BMPR2: variants seen among roughly 807,000 people sequenced by gnomAD.
The protein encoded by BMPR2 is bone morphogenetic protein receptor type-2.
A neutral mutation model predicts 100.8 loss-of-function variants in BMPR2; 29 were observed. That is an observed-to-expected ratio of 0.29 (90% confidence interval 0.21 to 0.39). BMPR2 has a LOEUF of 0.39. BMPR2 is among the 10% of genes least tolerant of loss of function. The pLI is 1.00. For missense variants in BMPR2, 1,011 were observed against 1,274.5 expected, an observed-to-expected ratio of 0.79 and a Z score of 3.15; for synonymous variants, 382 against 442.3, an observed-to-expected ratio of 0.86 and a Z score of 1.71.
chr2:202,413,522 CT>C (rs1385336883), intron 1 of BMPR2, among the ~76,000 whole-genome samples: 3 of 152,064 alleles, frequency 2.0e-5, no homozygotes, highest in Admixed American at 6.6e-5. Context: ...TGTATTTCTC[CT>C]AGAAGCAATG....
intron 7 of BMPR2, among the ~76,000 whole-genome samples, chr2:202,524,570 A>G (rs766059736): frequency 7.2e-5 from 11 of 152,210 alleles, no homozygotes; most frequent in East Asian, 1.9e-4. Flanking sequence ...CAGAGAGCCC[A>G]AGAGTTCAAG....
At chr2:202,479,088 C>G (rs1239440565) in intron 3 of BMPR2, among the ~76,000 whole-genome samples, 1 of 152,156 alleles carries the variant, frequency 6.6e-6, no homozygotes, top group Non-Finnish European at 1.5e-5. Context: ...TTGATTTTAA[C>G]AAATTAGACA....
chr2:202,413,839 A>G (rs1234609388), intron 1 of BMPR2, among the ~76,000 whole-genome samples: 2 of 151,880 alleles, frequency 1.3e-5, no homozygotes, highest in African/African-American at 2.4e-5. Flanking sequence ...AATTTTTTGT[A>G]TTTTTAGTAG....
chr2:202,543,709 A>G (rs1467722754), intron 10 of BMPR2, among the ~76,000 whole-genome samples: 1 of 152,096 alleles, frequency 6.6e-6, no homozygotes, highest in African/African-American at 2.4e-5. Context: ...ACTTTCTCCC[A>G]GTTTGTAATA....
intron 1 of BMPR2, among the ~76,000 whole-genome samples, chr2:202,394,626 G>C (rs555743403): frequency 2.0e-5 from 3 of 152,136 alleles, no homozygotes; most frequent in South Asian, 4.1e-4. Flanking sequence ...AACAGAATAA[G>C]TACTTTGTCT....
chr2:202,426,541 C>CCTGGGCG (rs1691388129), intron 1 of BMPR2, among the ~76,000 whole-genome samples: 1 of 143,080 alleles, frequency 7.0e-6, no homozygotes, highest in African/African-American at 2.6e-5. Flanking sequence ...TGCACTCCAG[C>CCTGGGCG]CTGGGCGACA....
At chr2:202,400,487 T>C (rs746028745) in intron 1 of BMPR2, among the ~76,000 whole-genome samples, 35 of 152,036 alleles carry the variant, frequency 2.3e-4, no homozygotes, top group Non-Finnish European at 4.4e-4. Context: ...TAGATTTGAA[T>C]TGAATAATAC....
At chr2:202,524,443 C>G (rs1222195806) in intron 7 of BMPR2, among the ~76,000 whole-genome samples, 1 of 151,624 alleles carries the variant, frequency 6.6e-6, no homozygotes, top group Admixed American at 6.6e-5. Flanking sequence ...CAAACCTCAG[C>G]ATCATACTAT....
At chr2:202,379,215 A>G (rs548808859) in intron 1 of BMPR2, among the ~76,000 whole-genome samples, 1 of 152,308 alleles carries the variant, frequency 6.6e-6, no homozygotes, top group South Asian at 2.1e-4. Flanking sequence ...AGTATTTATT[A>G]AGTGCCTGCC....
intron 9 of BMPR2, among the ~76,000 whole-genome samples, chr2:202,537,978 C>CTGG (rs1688195018): frequency 6.6e-6 from 1 of 151,876 alleles, no homozygotes; most frequent in Non-Finnish European, 1.5e-5. Flanking sequence ...AAAAATTAGA[C>CTGG]AGGTGCAGTG....
chr2:202,447,807 G>A (rs1263899199), intron 1 of BMPR2, among the ~76,000 whole-genome samples: 2 of 150,576 alleles, frequency 1.3e-5, no homozygotes, highest in Non-Finnish European at 2.9e-5. Flanking sequence ...TGGAGTCTTA[G>A]GAAGATCCAT....
chr2:202,559,144 T>C (rs1223395810), intron 12 of BMPR2, among the ~76,000 whole-genome samples: 3 of 151,276 alleles, frequency 2.0e-5, no homozygotes, highest in African/African-American at 7.3e-5. Context: ...TCTACTAAAA[T>C]ACAAAAAATT....
intron 3 of BMPR2, among the ~76,000 whole-genome samples, chr2:202,512,942 C>A (rs1687650418): frequency 1.3e-5 from 2 of 150,264 alleles, no homozygotes; most frequent in Non-Finnish European, 3.0e-5. Context: ...ATAATATATG[C>A]TTTTTTAAAA....
intron 3 of BMPR2, among the ~76,000 whole-genome samples, chr2:202,469,851 A>AGGGG (rs1356356977): frequency 6.6e-6 from 1 of 151,336 alleles, no homozygotes; most frequent in African/African-American, 2.4e-5. Context: ...AGGGGGGGAA[A>AGGGG]AAAAGCCCTG....
chr2:202,558,425 G>C (rs1393474853), intron 12 of BMPR2, among the ~76,000 whole-genome samples: 1 of 151,990 alleles, frequency 6.6e-6, no homozygotes, highest in Admixed American at 6.6e-5. Context: ...TTCTCTTTTA[G>C]ACTAAGGCAT....
At chr2:202,454,440 GAGA>G (rs1440238594) in intron 1 of BMPR2, among the ~76,000 whole-genome samples, 1 of 152,172 alleles carries the variant, frequency 6.6e-6, no homozygotes, top group Non-Finnish European at 1.5e-5. Context: ...ATTTATGTAA[GAGA>G]AGGCTACTTG....
rs1411132430 is a variant in BMPR2, at chr2:202,467,508, T to C, written c.248-11T>C. ...TATTGTCTCCTTTTTTGTATTCATATTGATTTATAGGATGTTGGTCTCACA... is the reference window on the plus strand; with the variant it reads ...TATTGTCTCCTTTTTTGTATTCATACTGATTTATAGGATGTTGGTCTCACA... On this transcript the variant is annotated splice_polypyrimidine_tract_variant and intron_variant, in intron 2 of 12. Transcript: ENST00000374580. The C allele has an allele frequency of 6.5e-6, 10 of 1,540,274 alleles. No homozygotes were observed. The highest frequency in any genetic ancestry group is 1.4e-5 in the African/African-American group (1 of 73,178).
intron 1 of BMPR2, among the ~76,000 whole-genome samples, chr2:202,403,564 T>C (rs1020761549): frequency 6.6e-6 from 1 of 152,232 alleles, no homozygotes; most frequent in African/African-American, 2.4e-5. Context: ...GTGATACCTC[T>C]AGAAAGTTAA....
At chr2:202,558,747 G>A (rs1688627843) in intron 12 of BMPR2, among the ~76,000 whole-genome samples, 1 of 151,960 alleles carries the variant, frequency 6.6e-6, no homozygotes. Flanking sequence ...TACAAAAGTA[G>A]CCAGACGTGG....
Sources: gnomAD v4.1 joint callset for allele counts (sites outside exome capture counted in the v4.1 genomes callset) on GRCh38, gnomAD v4.1.1 for gene constraint, MANE v1.5 for transcripts, NCBI Gene and HGNC (gene_info 2026-07-23, HGNC 2026-07-21) for gene names.